Variants in BEND6 observed in about 807,000 individuals in gnomAD.
The protein encoded by BEND6 is BEN domain-containing protein 6.
In BEND6, 24 loss-of-function variants were observed where a neutral mutation model predicts 31.8. That is an observed-to-expected ratio of 0.75 (90% CI 0.55 to 1.06). The LOEUF (loss-of-function observed/expected upper bound fraction) is 1.06. Ranked by LOEUF, BEND6 falls within the 50% of genes least tolerant of loss-of-function variation. BEND6 has a pLI of 0.00. For synonymous variants in BEND6, 109 were observed against 114.6 expected (o/e 0.95, Z 0.31); for missense variants, 294 against 327.4 (o/e 0.90, Z 0.79).
At chr6:56,968,449 T>C (rs1825569407) in intron 1 of BEND6, among the ~76,000 whole-genome samples, 1 of 149,676 alleles carries the variant, frequency 6.7e-6, no homozygotes, top group Non-Finnish European at 1.5e-5. Flanking sequence ...GCCTCCCCAG[T>C]AGCTGGGACT....
chr6:57,019,887 G>A (rs559996540), intron 6 of BEND6, among the ~76,000 whole-genome samples: 9 of 152,302 alleles, frequency 5.9e-5, no homozygotes, highest in Admixed American at 3.9e-4. Context: ...GAGCCCAGGA[G>A]TTCGAGACCA....
At chr6:56,996,976 ACT>A (rs1216565520) in intron 3 of BEND6, among the ~76,000 whole-genome samples, 1 of 150,974 alleles carries the variant, frequency 6.6e-6, no homozygotes, top group African/African-American at 2.4e-5. Context: ...TGTGCTTAAA[ACT>A]CTCCAGTGGA....
intron 2 of BEND6, among the ~76,000 whole-genome samples, chr6:56,988,141 C>T (rs1826351955): frequency 6.6e-6 from 1 of 151,834 alleles, no homozygotes; most frequent in Non-Finnish European, 1.5e-5. Flanking sequence ...CTCAGCCTCC[C>T]AGGTAGCTGG....
At chr6:56,997,313 A>C (rs1026965387) in intron 3 of BEND6, among the ~76,000 whole-genome samples, 2 of 151,464 alleles carry the variant, frequency 1.3e-5, no homozygotes, top group African/African-American at 2.4e-5. Flanking sequence ...TAAAATTTCA[A>C]CCTTTCTTCT....
chr6:56,979,378 C>T (rs958241504), intron 1 of BEND6, among the ~76,000 whole-genome samples: 11 of 152,100 alleles, frequency 7.2e-5, no homozygotes, highest in Non-Finnish European at 1.5e-4. Flanking sequence ...TTGAATTGTA[C>T]ACTTTAAATG....
chr6:56,985,341 C>A (rs1000627386), intron 2 of BEND6, among the ~76,000 whole-genome samples: 2 of 152,134 alleles, frequency 1.3e-5, no homozygotes, highest in Non-Finnish European at 2.9e-5. Flanking sequence ...TTATTTCCCT[C>A]TTACCTAATA....
chr6:56,997,530 G>A (rs1404896091), intron 3 of BEND6, among the ~76,000 whole-genome samples: 1 of 152,176 alleles, frequency 6.6e-6, no homozygotes, highest in Non-Finnish European at 1.5e-5. Context: ...TGCCACTGCA[G>A]TGTTCATTTC....
At chr6:56,976,494 C>T (rs146862449) in intron 1 of BEND6, among the ~76,000 whole-genome samples, 95 of 151,262 alleles carry the variant, frequency 6.3e-4, no homozygotes, top group African/African-American at 2.1e-3. Flanking sequence ...CATGCCCAGC[C>T]GCGTTAGTGC....
At chr6:56,999,143 G>T (rs955160031) in intron 3 of BEND6, among the ~76,000 whole-genome samples, 5 of 152,054 alleles carry the variant, frequency 3.3e-5, no homozygotes, top group Admixed American at 6.6e-5. Context: ...AAATCTTGGT[G>T]CAGTGGGACT....
chr6:56,990,671 G>A (rs1304145477), intron 2 of BEND6, among the ~76,000 whole-genome samples: 2 of 152,044 alleles, frequency 1.3e-5, no homozygotes, highest in Non-Finnish European at 2.9e-5. Flanking sequence ...TACTTCTTTA[G>A]CATTGCTTTG....
In BEND6 at chr6:56,955,450, A is replaced by G. The variant is rs13193465; in HGVS notation, c.-111A>G. On this transcript the variant is annotated 5_prime_UTR_variant, in exon 1 of 7. Coordinates refer to ENST00000370746, the MANE Select transcript of BEND6 (RefSeq NM_152731.3). Reference sequence around the variant, plus strand: ...CCGCCCCGAGGTTGGGGCTTTGAAGAATGCAGCCGGGTGAGCTATTGCTTG... The same window carrying G: ...CCGCCCCGAGGTTGGGGCTTTGAAGGATGCAGCCGGGTGAGCTATTGCTTG... 0.13 allele frequency: 19,624 copies of G among 152,252 alleles called. 1,474 individuals carry two copies. Among genetic ancestry groups the G allele is most frequent in the Middle Eastern group, 0.2 (59 of 294 alleles). The allele number at this position is 152,252 out of a possible 1,614,324, so 9.4% of individuals were successfully genotyped here.
At chr6:56,989,119 TATAA>T (rs1354027249) in intron 2 of BEND6, among the ~76,000 whole-genome samples, 1 of 150,458 alleles carries the variant, frequency 6.6e-6, no homozygotes, top group Non-Finnish European at 1.5e-5. Context: ...TACATTTCTA[TATAA>T]ATATATTATA....
intron 3 of BEND6, among the ~76,000 whole-genome samples, chr6:57,014,930 T>C (rs932051222): frequency 6.6e-5 from 10 of 152,350 alleles, no homozygotes; most frequent in African/African-American, 2.4e-4. Context: ...AATTGCTTTA[T>C]TATTATTAAG....
At chr6:56,991,674 T>A (rs746127668) in intron 2 of BEND6, among the ~76,000 whole-genome samples, 4 of 152,120 alleles carry the variant, frequency 2.6e-5, no homozygotes, top group Non-Finnish European at 5.9e-5. Flanking sequence ...TTCTGGAGAT[T>A]TTTAAGAAAC....
At chr6:56,988,928 G>A (rs1826388656) in intron 2 of BEND6, among the ~76,000 whole-genome samples, 1 of 152,122 alleles carries the variant, frequency 6.6e-6, no homozygotes, top group Non-Finnish European at 1.5e-5. Flanking sequence ...CTACTCAAGA[G>A]GCTGAGGCAG....
chr6:57,001,798 C>T (rs929948743), intron 3 of BEND6, among the ~76,000 whole-genome samples: 1 of 152,184 alleles, frequency 6.6e-6, no homozygotes, highest in Admixed American at 6.5e-5. Flanking sequence ...CACTTAAGTA[C>T]GTTGCCCACA....
chr6:57,017,541 C>A, intron 5 of BEND6, 142 bp downstream of exon 5: 1 of 650,160 alleles, frequency 1.5e-6, no homozygotes, highest in South Asian at 8.3e-5. Flanking sequence ...CTAAAGCTCT[C>A]ATTAAATATG....
intron 1 of BEND6, among the ~76,000 whole-genome samples, chr6:56,969,439 C>G (rs551269266): frequency 6.6e-6 from 1 of 152,284 alleles, no homozygotes; most frequent in East Asian, 1.9e-4. Context: ...TATATTGGCA[C>G]TAGTTTCCCG....
intron 1 of BEND6, among the ~76,000 whole-genome samples, chr6:56,971,741 G>A (rs1185744370): frequency 6.6e-6 from 1 of 152,090 alleles, no homozygotes; most frequent in Non-Finnish European, 1.5e-5. Context: ...ACCTTTTCAT[G>A]TGATATTGGC....
Sources: gnomAD v4.1 joint callset for allele counts (sites outside exome capture counted in the v4.1 genomes callset) on GRCh38, gnomAD v4.1.1 for gene constraint, MANE v1.5 for transcripts, NCBI Gene and HGNC (gene_info 2026-07-23, HGNC 2026-07-21) for gene names.